Variants in RNF17 observed in about 807,000 individuals in gnomAD.
RNF17 encodes the protein spermatogenesis associated 23.
Under a neutral mutation model 200.5 loss-of-function variants are expected in RNF17, and 31 were observed. That is an observed-to-expected ratio of 0.15 (90% CI 0.12 to 0.21). RNF17 has a LOEUF of 0.21. Among genes scored for constraint, RNF17 ranks in the 10% least tolerant of loss-of-function variants. The probability of loss-of-function intolerance (pLI) is 1.00; values close to 1 mark genes in which losing one functional copy is unlikely to be tolerated. For synonymous variants in RNF17, 606 were observed against 637.8 expected (o/e 0.95, Z 0.75); for missense variants, 1,628 against 1,905.1 (o/e 0.85, Z 2.71).
chr13:24,864,411 G>A (rs948140926), intron 28 of RNF17, among the ~76,000 whole-genome samples: 16 of 152,186 alleles, frequency 1.1e-4, no homozygotes, highest in African/African-American at 3.4e-4. Flanking sequence ...GACACATTCA[G>A]CACCCAATAA....
In RNF17 at chr13:24,853,851, A is replaced by G. The variant is rs1347190500; in HGVS notation, c.3321-4A>G. 2.5e-6 allele frequency: 4 copies of G among 1,587,942 alleles called. No homozygotes were observed. The highest frequency in any genetic ancestry group is 3.4e-6 in the Non-Finnish European group (4 of 1,168,802). On this transcript the variant is annotated splice_region_variant and splice_polypyrimidine_tract_variant and intron_variant, in intron 24 of 35. Transcript: ENST00000255324. ...TTAGATGTGTTCTTTTTTGGATGTTACAGAATTAATAACTTAGATAACAGC... is the reference window on the plus strand; with the variant it reads ...TTAGATGTGTTCTTTTTTGGATGTTGCAGAATTAATAACTTAGATAACAGC...
At chr13:24,811,962 G>C (rs1886697130) in intron 15 of RNF17, among the ~76,000 whole-genome samples, 1 of 152,216 alleles carries the variant, frequency 6.6e-6, no homozygotes, top group South Asian at 2.1e-4. Context: ...TCGGGGGTCA[G>C]GGGTCAGGGA....
chr13:24,823,744 G>GAATGTCCTAATTTCAA (rs1348594391), intron 15 of RNF17, among the ~76,000 whole-genome samples: 1 of 152,108 alleles, frequency 6.6e-6, no homozygotes, highest in East Asian at 1.9e-4. Flanking sequence ...GACTGCTTTT[G>GAATGTCCTAATTTCAA]AATGTCCTAA....
chr13:24,787,945 A>C (rs1883342078), intron 6 of RNF17, 43 bp from the exon 7 acceptor site: 3 of 1,447,366 alleles, frequency 2.1e-6, no homozygotes, highest in Non-Finnish European at 2.8e-6. Flanking sequence ...TTCTATAAAT[A>C]TTTATGAAAT....
intron 11 of RNF17, 22 bp downstream of exon 11, chr13:24,796,317 T>C (rs373848001): frequency 2.3e-4 from 347 of 1,508,494 alleles, no homozygotes; most frequent in Non-Finnish European, 3.0e-4. Context: ...TTAGTCCAAG[T>C]TAAAATATCA....
chr13:24,759,101 A>AAAC, the RNF17 span, among the ~76,000 whole-genome samples: 16 of 151,122 alleles, frequency 1.1e-4, no homozygotes, highest in Admixed American at 1.3e-4. Flanking sequence ...AAAAAAAAAA[A>AAAC]AACAACACTT....
chr13:24,810,352 T>C (rs995014376), intron 15 of RNF17, among the ~76,000 whole-genome samples: 1 of 134,936 alleles, frequency 7.4e-6, no homozygotes, highest in Non-Finnish European at 1.6e-5. Flanking sequence ...ATATTTAGGA[T>C]AGTTAGCTCC....
At chr13:24,799,032 C>T (rs1452042045) in intron 11 of RNF17, among the ~76,000 whole-genome samples, 1 of 152,184 alleles carries the variant, frequency 6.6e-6, no homozygotes, top group African/African-American at 2.4e-5. Context: ...GACAGATGGT[C>T]TTGCTTGTAA....
intron 25 of RNF17, among the ~76,000 whole-genome samples, chr13:24,856,419 C>CAAAA (rs60553495): frequency 9.8e-6 from 1 of 101,592 alleles, no homozygotes; most frequent in Admixed American, 1.1e-4. Flanking sequence ...GAATCCGTCT[C>CAAAA]AAAAAAAAAA....
At chr13:24,797,716 G>GTGTGTGTGTGTGTGTGTGTGTGTGTGTT (rs1884765674) in intron 11 of RNF17, among the ~76,000 whole-genome samples, 1 of 61,058 alleles carries the variant, frequency 1.6e-5, no homozygotes, top group Non-Finnish European at 3.5e-5. Flanking sequence ...GTGTGTGTGT[G>GTGTGTGTGTGTGTGTGTGTGTGTGTGTT]TGTGTGTGTG....
At chr13:24,764,916 T>G (rs1879416763) in intron 1 of RNF17, among the ~76,000 whole-genome samples, 1 of 136,148 alleles carries the variant, frequency 7.3e-6, no homozygotes, top group Non-Finnish European at 1.7e-5. Flanking sequence ...TGTGTGTGTG[T>G]GTGTGTGTTG....
At position 24,825,789 on chromosome 13, in the gene RNF17, T is replaced by C; in HGVS notation, c.2245+17T>C. On this transcript the variant is annotated intron_variant, in intron 16 of 35. Transcript: ENST00000255324. ...AAGTTATCGGTAGGAGAATGCATGC[T>C]GTTTCTACAGGGAGATGTCATACTT... The C allele has an allele frequency of 1.2e-6, 2 of 1,608,252 alleles. No homozygotes were observed. The highest frequency in any genetic ancestry group is 1.7e-6 in the Non-Finnish European group (2 of 1,176,906).
At chr13:24,857,698 C>T (rs898130296) in intron 25 of RNF17, among the ~76,000 whole-genome samples, 5 of 152,128 alleles carry the variant, frequency 3.3e-5, no homozygotes, top group East Asian at 1.9e-4. Context: ...CAGGAGTTTG[C>T]GACCAGGCTG....
At chr13:24,887,939 A>C in the RNF17 span, among the ~76,000 whole-genome samples, 117 of 152,334 alleles carry the variant, frequency 7.7e-4, no homozygotes, top group South Asian at 1.7e-3. Flanking sequence ...GCAGAGCATG[A>C]GAAAATGAGA....
chr13:24,884,612 C>G, downstream of RNF17: 1 of 778,472 alleles, frequency 1.3e-6, no homozygotes, highest in South Asian at 1.5e-5. Flanking sequence ...GAGTAGCAAA[C>G]TCGTGATTTT....
At chr13:24,820,393 A>T (rs896272415) in intron 15 of RNF17, among the ~76,000 whole-genome samples, 2 of 151,868 alleles carry the variant, frequency 1.3e-5, no homozygotes, top group African/African-American at 4.8e-5. Flanking sequence ...AAGTGCTGGG[A>T]TTACAGGCAT....
At chr13:24,752,083 C>G in the RNF17 span, 1 of 152,276 alleles carries the variant, frequency 6.6e-6, no homozygotes, top group Non-Finnish European at 1.5e-5. Context: ...ACTTCAATAT[C>G]CGTATCATGG....
chr13:24,772,299 G>A (rs972710630), intron 2 of RNF17, among the ~76,000 whole-genome samples: 14 of 151,964 alleles, frequency 9.2e-5, no homozygotes, highest in African/African-American at 2.7e-4. Context: ...TGCTGAATTC[G>A]ATGTTAAAGT....
At chr13:24,809,041 G>T (rs1428063685) in intron 15 of RNF17, among the ~76,000 whole-genome samples, 5 of 152,046 alleles carry the variant, frequency 3.3e-5, no homozygotes, top group Non-Finnish European at 7.4e-5. Context: ...GCTGGATTCG[G>T]TTTGCCAGTA....
Sources: allele counts gnomAD v4.1 joint callset (sites outside exome capture counted in the v4.1 genomes callset), GRCh38; gene constraint gnomAD v4.1.1; transcripts MANE v1.5; gene names NCBI Gene and HGNC (gene_info 2026-07-23, HGNC 2026-07-21).